The following COL4A1 variants were observed in gnomAD, a reference collection of about 807,000 sequenced individuals.
COL4A1 encodes the protein collagen type IV alpha 1 chain.
Under a neutral mutation model 216.6 loss-of-function variants are expected in COL4A1, and 40 were observed. The observed-to-expected ratio is 0.18, with a 90% CI of 0.14 to 0.24. COL4A1 has a LOEUF of 0.24. Among genes scored for constraint, COL4A1 ranks in the 10% least tolerant of loss-of-function variants. COL4A1 has a pLI of 1.00. For missense variants in COL4A1, 1,628 were observed against 2,196.8 expected, an observed-to-expected ratio of 0.74 and a Z score of 5.18; for synonymous variants, 839 against 810.7, an observed-to-expected ratio of 1.03 and a Z score of -0.59.
At chr13:110,153,360 A>T (rs972064225) in intron 50 of COL4A1, among the ~76,000 whole-genome samples, 1 of 152,228 alleles carries the variant, frequency 6.6e-6, no homozygotes, top group Admixed American at 6.5e-5. Flanking sequence ...GTGCTGGAAG[A>T]CACTGTTCTC....
Position 110,192,750 on chromosome 13 carries a change from GA to G in COL4A1, c.1465+79del, listed in dbSNP as rs774899685. 60 of 1,236,440 alleles carry G rather than the reference GA, an allele frequency of 4.9e-5. No homozygotes were observed. The East Asian group carries it at 8.6e-4, about 18-fold the overall frequency. 76.6% of individuals were successfully genotyped at this position (1,236,440 alleles called of 1,614,324 possible). A position where few individuals can be genotyped will look rare whatever the true frequency, so the allele number is the denominator to read the frequency against. On this transcript the variant is annotated intron_variant, in intron 23 of 51. Transcript: ENST00000375820. ...GCTGCCGAAAATCAGGCCTTCTATG[GA>G]GTGAAATCCCTTTCACAGGAAAGAT...
chr13:110,252,477 TTATA>T (rs1491505523), intron 1 of COL4A1, among the ~76,000 whole-genome samples: 1 of 79,090 alleles, frequency 1.3e-5, no homozygotes, highest in African/African-American at 4.4e-5. Flanking sequence ...ATTATATGTA[TTATA>T]TATACGTATA....
At chr13:110,200,509 G>A (rs3816296) in intron 20 of COL4A1, among the ~76,000 whole-genome samples, 20,588 of 152,146 alleles carry the variant, frequency 0.14, 1,737 homozygotes, top group East Asian at 0.28. Context: ...TGCTAGAATC[G>A]GGGCTCTGTG....
In COL4A1 at chr13:110,306,945, T is replaced by A. The variant is rs1323469197; in HGVS notation, c.83A>T (p.Lys28Met). Residue 28 changes from lysine to methionine, a missense_variant and splice_region_variant, in exon 1 of 52, where the codon AAG becomes ATG. Transcript: ENST00000375820. ...GAGCGGAGCTGGCCGGGAACTCACC[T>A]TCGCAGCGGCCCGGCTGTGCTCCTC... is the stretch of plus-strand genomic sequence containing the variant. ...LHEEHSRAAA[K>M]GGCAGSGCGK... is the part of the protein sequence containing the mutation. 3.4e-6 allele frequency: 5 copies of A among 1,471,644 alleles called. No homozygotes were observed. The highest frequency in any genetic ancestry group is 4.5e-6 in the Non-Finnish European group (5 of 1,116,332). The allele number at this position is 1,471,644 out of a possible 1,614,324, so 91.2% of individuals were successfully genotyped here. A position where few individuals can be genotyped will look rare whatever the true frequency, so the allele number is the denominator to read the frequency against.
intron 20 of COL4A1, among the ~76,000 whole-genome samples, chr13:110,199,609 G>T (rs1270303391): frequency 1.3e-5 from 2 of 152,246 alleles, no homozygotes; most frequent in Non-Finnish European, 2.9e-5. Flanking sequence ...GACCCTCAGG[G>T]TGAGGAGGAC....
At chr13:110,194,968 A>G in intron 22 of COL4A1, 55 bp downstream of exon 22, 1 of 1,526,476 alleles carries the variant, frequency 6.6e-7, no homozygotes, top group Non-Finnish European at 9.1e-7. Flanking sequence ...AGTATGTGGG[A>G]AAAAATCATA....
At chr13:110,303,980 T>C (rs892277160) in intron 1 of COL4A1, among the ~76,000 whole-genome samples, 1 of 152,204 alleles carries the variant, frequency 6.6e-6, no homozygotes, top group Admixed American at 6.5e-5. Flanking sequence ...TAAAAGCAGG[T>C]ATAAAATGTA....
At chr13:110,163,339 T>G (rs1040161089) in intron 47 of COL4A1, 124 bp downstream of exon 47, 40 of 811,988 alleles carry the variant, frequency 4.9e-5, no homozygotes, top group Non-Finnish European at 7.8e-5. Flanking sequence ...AGAAACAGAC[T>G]TCTTCGGAAA....
intron 2 of COL4A1, among the ~76,000 whole-genome samples, chr13:110,227,569 G>C (rs1880800778): frequency 6.6e-6 from 1 of 152,146 alleles, no homozygotes. Context: ...CCCAGGGTCT[G>C]AGGTCTGGGA....
chr13:110,260,492 T>C (rs1882770198), intron 1 of COL4A1, among the ~76,000 whole-genome samples: 1 of 152,144 alleles, frequency 6.6e-6, no homozygotes, highest in Non-Finnish European at 1.5e-5. Flanking sequence ...CTTACTGAAC[T>C]CATAGATCCC....
At chr13:110,201,888 G>A (rs939317170) in intron 18 of COL4A1, among the ~76,000 whole-genome samples, 2 of 152,160 alleles carry the variant, frequency 1.3e-5, no homozygotes, top group Non-Finnish European at 2.9e-5. Context: ...AGGCTGAGAC[G>A]GGAGAATCGC....
At chr13:110,277,812 A>G (rs1169717678) in intron 1 of COL4A1, among the ~76,000 whole-genome samples, 2 of 152,230 alleles carry the variant, frequency 1.3e-5, no homozygotes, top group Non-Finnish European at 2.9e-5. Context: ...TTGCAAGTTG[A>G]GTAAGTTAAA....
At chr13:110,199,140 C>T (rs1317603324) in intron 20 of COL4A1, among the ~76,000 whole-genome samples, 1 of 152,196 alleles carries the variant, frequency 6.6e-6, no homozygotes, top group East Asian at 1.9e-4. Context: ...GGTTCAGCCA[C>T]TGTAACTCTG....
At chr13:110,287,601 A>G (rs1206635360) in intron 1 of COL4A1, among the ~76,000 whole-genome samples, 1 of 152,206 alleles carries the variant, frequency 6.6e-6, no homozygotes, top group African/African-American at 2.4e-5. Context: ...ACTTGAGCAG[A>G]ATGCTCACCC....
intron 1 of COL4A1, among the ~76,000 whole-genome samples, chr13:110,285,547 G>A (rs1203658610): frequency 6.6e-6 from 1 of 152,192 alleles, no homozygotes; most frequent in African/African-American, 2.4e-5. Context: ...GATATCTGGT[G>A]AAACGGTATT....
intron 2 of COL4A1, among the ~76,000 whole-genome samples, chr13:110,241,107 T>C (rs1647541736): frequency 1.3e-5 from 2 of 152,150 alleles, no homozygotes; most frequent in South Asian, 4.1e-4. Context: ...TGACTTCCAG[T>C]GATCCTCCTG....
At chr13:110,169,797 T>A (rs1877522095) in intron 42 of COL4A1, 35 bp from the exon 43 acceptor site, 1 of 1,613,240 alleles carries the variant, frequency 6.2e-7, no homozygotes, top group Non-Finnish European at 8.5e-7. Flanking sequence ...CATTTGGGGT[T>A]AAATATGCAC....
intron 1 of COL4A1, among the ~76,000 whole-genome samples, chr13:110,256,297 T>C (rs531628091): frequency 1.8e-4 from 28 of 152,212 alleles, no homozygotes; most frequent in Middle Eastern, 6.8e-3. Flanking sequence ...AAAAACTAAA[T>C]GACTCCACAG....
chr13:110,170,739 A>G lies in COL4A1; in HGVS notation c.3557-7T>C. ...CCCACCTCACCCTTTGAACCTGAAC[A>G]AGAAAAACAGTTTGAGGTGATGGGA... On this transcript the variant is annotated splice_region_variant and splice_polypyrimidine_tract_variant and intron_variant, in intron 41 of 51. Transcript: ENST00000375820. 2 of 1,614,136 alleles carry G rather than the reference A, an allele frequency of 1.2e-6. No individual in the cohort carries two copies. The highest frequency in any genetic ancestry group is 8.5e-7 in the Non-Finnish European group (1 of 1,179,986).
Sources: allele counts gnomAD v4.1 joint callset (sites outside exome capture counted in the v4.1 genomes callset), GRCh38; gene constraint gnomAD v4.1.1; transcripts MANE v1.5; gene names NCBI Gene and HGNC (gene_info 2026-07-23, HGNC 2026-07-21).